The following HCN1 variants were observed in gnomAD, a reference collection of about 807,000 sequenced individuals.
The protein encoded by HCN1 is hyperpolarization activated cyclic nucleotide gated potassium channel 1.
HCN1 carries 13 observed loss-of-function variants against 78.9 expected under a neutral mutation model. The observed-to-expected ratio is 0.16, with a 90% CI of 0.11 to 0.26. The LOEUF is 0.26. Among genes scored for constraint, HCN1 ranks in the 10% least tolerant of loss-of-function variants. HCN1 has a pLI of 1.00. For synonymous variants in HCN1, 552 were observed against 455.5 expected (o/e 1.21, Z -2.70); for missense variants, 810 against 1,154.3 (o/e 0.70, Z 4.32).
chr5:45,449,064 C>T (rs1579902084), intron 3 of HCN1, among the ~76,000 whole-genome samples: 1 of 152,306 alleles, frequency 6.6e-6, no homozygotes, highest in Admixed American at 6.5e-5. Flanking sequence ...GCCAAGATCA[C>T]ACCACTGCAC....
rs16902194 is a variant in HCN1, at chr5:45,636,199, C to T, written c.849+8986G>A. ...ATAGGGGCACTATATACAAGACCAA[C>T]TAAAGTGACTCGTTCAACTGAGATA... On this transcript the variant is annotated intron_variant, in intron 2 of 7. Coordinates refer to ENST00000303230, the MANE Select transcript of HCN1 (RefSeq NM_021072.4). 5.0e-3 allele frequency among the ~76,000 whole-genome samples: 759 copies of T among 152,164 alleles called. 4 individuals carry two copies. Among genetic ancestry groups the T allele is most frequent in the African/African-American group, 0.017 (724 of 41,510 alleles).
intron 1 of HCN1, among the ~76,000 whole-genome samples, chr5:45,646,875 TGAG>T (rs551152952): frequency 3.0e-4 from 46 of 152,298 alleles, no homozygotes; most frequent in African/African-American, 9.9e-4. Flanking sequence ...GTATGTTATT[TGAG>T]GAGTTTTGTA....
intron 2 of HCN1, among the ~76,000 whole-genome samples, chr5:45,528,467 C>T (rs867378581): frequency 4.0e-5 from 6 of 151,886 alleles, no homozygotes; most frequent in African/African-American, 9.7e-5. Flanking sequence ...TGATTAATAT[C>T]GCTTCTGACA....
At chr5:45,609,067 A>G (rs1744781843) in intron 2 of HCN1, among the ~76,000 whole-genome samples, 1 of 152,074 alleles carries the variant, frequency 6.6e-6, no homozygotes, top group African/African-American at 2.4e-5. Flanking sequence ...TGAAAAGAAG[A>G]CAGTATTATG....
intron 6 of HCN1, among the ~76,000 whole-genome samples, chr5:45,276,543 A>T (rs949671816): frequency 6.6e-6 from 1 of 152,124 alleles, no homozygotes; most frequent in African/African-American, 2.4e-5. Flanking sequence ...AAAAGTAAAC[A>T]AAAGGAATGG....
At chr5:45,599,109 T>C (rs1257852211) in intron 2 of HCN1, among the ~76,000 whole-genome samples, 3 of 152,112 alleles carry the variant, frequency 2.0e-5, no homozygotes, top group Admixed American at 6.5e-5. Flanking sequence ...CACATGCACA[T>C]GTATGTTTAT....
At chr5:45,658,612 C>A (rs530163580) in intron 1 of HCN1, among the ~76,000 whole-genome samples, 1 of 151,654 alleles carries the variant, frequency 6.6e-6, no homozygotes, top group Non-Finnish European at 1.5e-5. Flanking sequence ...GTGCGCGAGC[C>A]GAAGCAGGGC....
intron 2 of HCN1, among the ~76,000 whole-genome samples, chr5:45,470,398 C>T (rs116427793): frequency 2.6e-5 from 4 of 151,694 alleles, no homozygotes; most frequent in Non-Finnish European, 5.9e-5. Context: ...ATTAGTGCAA[C>T]CCCCCTAAAA....
chr5:45,676,839 A>C (rs1443060558), intron 1 of HCN1, among the ~76,000 whole-genome samples: 2 of 151,842 alleles, frequency 1.3e-5, no homozygotes, highest in Non-Finnish European at 2.9e-5. Flanking sequence ...ATTATAGAAG[A>C]AATGGACATG....
At chr5:45,691,216 G>T (rs1739908986) in intron 1 of HCN1, among the ~76,000 whole-genome samples, 1 of 150,362 alleles carries the variant, frequency 6.7e-6, no homozygotes, top group Non-Finnish European at 1.5e-5. Context: ...TTATTCAACA[G>T]GCACGTTCAT....
intron 2 of HCN1, among the ~76,000 whole-genome samples, chr5:45,516,213 C>T (rs1285392480): frequency 6.6e-6 from 1 of 151,826 alleles, no homozygotes; most frequent in Non-Finnish European, 1.5e-5. Flanking sequence ...TTCTTTTAGG[C>T]CCAGTTCACA....
chr5:45,595,208 T>G (rs958215271), intron 2 of HCN1, among the ~76,000 whole-genome samples: 9 of 152,188 alleles, frequency 5.9e-5, no homozygotes, highest in Admixed American at 5.2e-4. Flanking sequence ...TCAAGACCAG[T>G]CATGCACAAG....
At chr5:45,329,747 A>G (rs1052178550) in intron 5 of HCN1, among the ~76,000 whole-genome samples, 1 of 151,414 alleles carries the variant, frequency 6.6e-6, no homozygotes, top group African/African-American at 2.4e-5. Flanking sequence ...AAATTTTCAT[A>G]TTTCCACCAG....
intron 4 of HCN1, among the ~76,000 whole-genome samples, chr5:45,357,371 T>A (rs1039780367): frequency 1.3e-5 from 2 of 152,076 alleles, no homozygotes; most frequent in African/African-American, 4.8e-5. Context: ...TTGTTTCTTA[T>A]CTTTATTTAA....
At chr5:45,305,411 T>C (rs1294624908) in intron 5 of HCN1, among the ~76,000 whole-genome samples, 1 of 152,072 alleles carries the variant, frequency 6.6e-6, no homozygotes, top group Non-Finnish European at 1.5e-5. Context: ...TCATGGAAGA[T>C]GAGAAAATAT....
At chr5:45,402,503 G>A (rs1379474012) in intron 3 of HCN1, among the ~76,000 whole-genome samples, 1 of 152,110 alleles carries the variant, frequency 6.6e-6, no homozygotes, top group Non-Finnish European at 1.5e-5. Flanking sequence ...AAATTGGGAG[G>A]TCCAAAATAT....
intron 4 of HCN1, among the ~76,000 whole-genome samples, chr5:45,360,810 G>A (rs933947806): frequency 7.2e-5 from 11 of 152,074 alleles, no homozygotes; most frequent in African/African-American, 2.7e-4. Context: ...AGGGAAAGCA[G>A]ATGGTTTAGA....
Position 45,581,998 on chromosome 5 carries a change from A to T in HCN1, c.849+63187T>A, listed in dbSNP as rs544597938. 1.2e-3 allele frequency among the ~76,000 whole-genome samples: 183 copies of T among 152,324 alleles called. 1 individual carries two copies. Among genetic ancestry groups the T allele is most frequent in the African/African-American group, 4.3e-3 (178 of 41,580 alleles). ...CATTTGGCTTAGGATTGACTTGGCA[A>T]TGCGGGCTCTTTTTTGGTTCCATAT... On this transcript the variant is annotated intron_variant, in intron 2 of 7. Transcript: ENST00000303230.
At chr5:45,684,335 A>T (rs1739761150) in intron 1 of HCN1, among the ~76,000 whole-genome samples, 1 of 152,124 alleles carries the variant, frequency 6.6e-6, no homozygotes, top group Non-Finnish European at 1.5e-5. Context: ...TACTTATTCA[A>T]CCATAACTTG....
Sources: allele counts gnomAD v4.1 joint callset (sites outside exome capture counted in the v4.1 genomes callset), GRCh38; gene constraint gnomAD v4.1.1; transcripts MANE v1.5; gene names NCBI Gene and HGNC (gene_info 2026-07-23, HGNC 2026-07-21).